The following FSHR variants were observed in gnomAD, a reference collection of about 807,000 sequenced individuals.
FSHR encodes the protein follicle-stimulating hormone receptor.
FSHR carries 46 observed loss-of-function variants against 52.1 expected under a neutral mutation model. That is an observed-to-expected ratio of 0.88 (90% CI 0.70 to 1.13). FSHR has a LOEUF of 1.13. Ranked by LOEUF, FSHR falls within the 50% of genes most tolerant of loss-of-function variation. The pLI, the probability that FSHR is intolerant of heterozygous loss-of-function variation, is 0.00. For missense variants in FSHR, 964 were observed against 834.6 expected (o/e 1.16, Z -1.91); for synonymous variants, 399 against 309.6 (o/e 1.29, Z -3.03).
intron 6 of FSHR, 143 bp from the exon 7 acceptor site, chr2:48,983,309 G>A (rs184321544): frequency 2.8e-6 from 2 of 726,912 alleles, no homozygotes; most frequent in Non-Finnish European, 4.9e-6. Flanking sequence ...GGGGACACGG[G>A]TGGGAGGAAG....
chr2:49,127,583 A>G (rs981413672), intron 1 of FSHR, among the ~76,000 whole-genome samples: 1 of 151,746 alleles, frequency 6.6e-6, no homozygotes, highest in Non-Finnish European at 1.5e-5. Flanking sequence ...TCCCTTATCT[A>G]AATCATCCAA....
chr2:49,048,683 C>T lies in FSHR; in HGVS notation c.224+19536G>A, dbSNP rs555040669. On this transcript the variant is annotated intron_variant, in intron 2 of 9. Coordinates refer to ENST00000406846, the MANE Select transcript of FSHR (RefSeq NM_000145.4). ...CCACTGGGATGGCTAACTTCTGCTT[C>T]ATTCATTTAGGCTTCTCTAGCATTT... is the stretch of plus-strand genomic sequence containing the variant. Among the ~76,000 whole-genome samples, 3 of 152,346 alleles carry T rather than the reference C, an allele frequency of 2.0e-5. No homozygotes were observed. In the South Asian group the frequency reaches 6.2e-4, roughly 32 times the overall value.
intron 8 of FSHR, among the ~76,000 whole-genome samples, chr2:48,981,494 G>A (rs1299054627): frequency 1.3e-5 from 2 of 152,032 alleles, no homozygotes; most frequent in African/African-American, 2.4e-5. Context: ...TAAAAGAATT[G>A]GTCTAAACCA....
At chr2:49,117,439 A>T (rs1671644911) in intron 1 of FSHR, among the ~76,000 whole-genome samples, 1 of 152,182 alleles carries the variant, frequency 6.6e-6, no homozygotes, top group African/African-American at 2.4e-5. Context: ...CACAAAGAAA[A>T]GTTAGTTTCT....
chr2:49,115,892 A>T (rs776295723), intron 1 of FSHR, among the ~76,000 whole-genome samples: 1 of 152,160 alleles, frequency 6.6e-6, no homozygotes, highest in East Asian at 1.9e-4. Flanking sequence ...TGTGCATGAC[A>T]TAAGTGAAGG....
chr2:49,078,583 T>C (rs1670040935), intron 1 of FSHR, among the ~76,000 whole-genome samples: 1 of 152,104 alleles, frequency 6.6e-6, no homozygotes, highest in South Asian at 2.1e-4. Flanking sequence ...TGCTAAATAT[T>C]AGACAACTCT....
At chr2:49,129,715 C>T (rs1380880932) in intron 1 of FSHR, among the ~76,000 whole-genome samples, 1 of 152,076 alleles carries the variant, frequency 6.6e-6, no homozygotes, top group Non-Finnish European at 1.5e-5. Flanking sequence ...ATAAAGGATA[C>T]ATAAATATAA....
At chr2:49,073,144 A>G (rs1232387427) in intron 1 of FSHR, among the ~76,000 whole-genome samples, 1 of 152,092 alleles carries the variant, frequency 6.6e-6, no homozygotes, top group Non-Finnish European at 1.5e-5. Context: ...TCTGAGAACT[A>G]GAACACGACA....
chr2:49,104,617 T>A (rs549329726), intron 1 of FSHR, among the ~76,000 whole-genome samples: 1 of 152,140 alleles, frequency 6.6e-6, no homozygotes, highest in South Asian at 2.1e-4. Flanking sequence ...CAGAAAGATA[T>A]CGTGTTCCAA....
At chr2:49,082,135 C>A (rs917889308) in intron 1 of FSHR, among the ~76,000 whole-genome samples, 5 of 152,152 alleles carry the variant, frequency 3.3e-5, no homozygotes, top group East Asian at 3.9e-4. Flanking sequence ...AGTGGTTCTC[C>A]CAGCACGCAG....
intron 1 of FSHR, among the ~76,000 whole-genome samples, chr2:49,152,666 T>A (rs1287739403): frequency 1.2e-4 from 18 of 152,190 alleles, no homozygotes; most frequent in African/African-American, 4.3e-4. Flanking sequence ...CTGTTTGTTT[T>A]ATCAACTGGA....
In FSHR at chr2:48,962,779, CCACT is replaced by C; in HGVS notation, c.2038_2041del (p.Ser680ValfsTer9). 1 of 1,614,056 alleles carries C rather than the reference CCACT, an allele frequency of 6.2e-7. No individual in the cohort carries two copies. The highest frequency in any genetic ancestry group is 8.5e-7 in the Non-Finnish European group (1 of 1,179,952). ...TAGAGGGACAAGTATGTAAGTGGAA[CCACT>C]GGTGACTCTGGGAGCTGAAGAGCAG... On this transcript the variant is annotated frameshift_variant, in exon 10 of 10. Transcript: ENST00000406846. LOFTEE classifies it high-confidence loss of function.
intron 1 of FSHR, among the ~76,000 whole-genome samples, chr2:49,116,689 CATT>C (rs1264677921): frequency 6.6e-6 from 1 of 152,060 alleles, no homozygotes; most frequent in African/African-American, 2.4e-5. Context: ...AGTTTGCTAC[CATT>C]ATTCTTTAAA....
intron 4 of FSHR, among the ~76,000 whole-genome samples, chr2:49,007,922 TG>T (rs2104170452): frequency 6.6e-6 from 1 of 152,218 alleles, no homozygotes; most frequent in Admixed American, 6.5e-5. Context: ...TACAAAGAGA[TG>T]AAGTCTCTTG....
Position 49,068,236 on chromosome 2 carries a change from A to G in FSHR, c.207T>C (p.Phe69=), listed in dbSNP as rs146482480. The change falls in exon 2 of 10, where the codon TTT becomes TTC. Residue 69 remains phenylalanine, a synonymous_variant. Transcript: ENST00000406846. ...GTACATACATTTTCTCCAGGTCCCC[A>G]AATCCTGAAAATGCACCTTTTTGGA... is the stretch of plus-strand genomic sequence containing the variant. The part of the protein sequence containing the change: ...RVIQKGAFSG[F]GDLEKIEISQ... The G allele has an allele frequency of 1.2e-6, 2 of 1,610,944 alleles. No homozygotes were observed. Among genetic ancestry groups the G allele is most frequent in the Non-Finnish European group, 1.7e-6 (2 of 1,178,528 alleles).
At chr2:49,051,065 G>C (rs1221427827) in intron 2 of FSHR, among the ~76,000 whole-genome samples, 1 of 152,062 alleles carries the variant, frequency 6.6e-6, no homozygotes, top group East Asian at 1.9e-4. Flanking sequence ...CATATTAGCA[G>C]TGTATTCTTT....
At chr2:49,017,328 A>G (rs973973078) in intron 4 of FSHR, among the ~76,000 whole-genome samples, 161 bp downstream of exon 4, 5 of 152,130 alleles carry the variant, frequency 3.3e-5, no homozygotes, top group African/African-American at 1.2e-4. Context: ...TGCTCATTAA[A>G]CTAAAATCCA....
At chr2:49,021,834 TCTCTCTCTC>T (rs1558395137) in intron 2 of FSHR, among the ~76,000 whole-genome samples, 12 of 24,148 alleles carry the variant, frequency 5.0e-4, no homozygotes, top group African/African-American at 1.2e-3. Flanking sequence ...TATGTGTTTC[TCTCTCTCTC>T]TCTCTCTCTC....
chr2:49,103,484 TG>T (rs1440673714), intron 1 of FSHR, among the ~76,000 whole-genome samples: 1 of 152,130 alleles, frequency 6.6e-6, no homozygotes, highest in African/African-American at 2.4e-5. Flanking sequence ...GAATTTGCCT[TG>T]CAGAACCCCT....
Sources: gnomAD v4.1 joint callset for allele counts (sites outside exome capture counted in the v4.1 genomes callset) on GRCh38, gnomAD v4.1.1 for gene constraint, MANE v1.5 for transcripts, NCBI Gene and HGNC (gene_info 2026-07-23, HGNC 2026-07-21) for gene names.